Variants in ZNF76 observed in about 807,000 individuals in gnomAD.
ZNF76 encodes the protein zinc finger protein 76.
ZNF76 carries 66 observed loss-of-function variants against 66.9 expected under a neutral mutation model. The observed-to-expected ratio is 0.99, with a 90% CI of 0.81 to 1.21. The LOEUF is 1.21. Ranked by LOEUF, ZNF76 falls within the 50% of genes most tolerant of loss-of-function variation. The probability of loss-of-function intolerance (pLI) is 0.00; values close to 1 mark genes in which losing one functional copy is unlikely to be tolerated. For missense variants in ZNF76, 729 were observed against 760.3 expected (o/e 0.96, Z 0.48); for synonymous variants, 275 against 296.1 (o/e 0.93, Z 0.73).
At chr6:35,261,505 A>ATC (rs1333260139) in intron 1 of ZNF76, among the ~76,000 whole-genome samples, 2 of 86,328 alleles carry the variant, frequency 2.3e-5, no homozygotes, top group East Asian at 6.3e-4. Context: ...TTCCCTTCCC[A>ATC]TATTTTTGTT....
rs1399266703 is a variant in ZNF76 at position 35,291,626 on chromosome 6, G to A, written c.820G>A (p.Val274Ile). The change falls in exon 9 of 14, where the codon GTA becomes ATA. Residue 274 changes from valine (V) to isoleucine (I), a missense_variant. By Grantham distance (29) the Val-to-Ile change is conservative (BLOSUM62 3). Transcript: ENST00000373953. ...RSFTTSNIRK[V>I]HVRTHTGERP... ...CTTCACCACATCTAACATCCGCAAG[G>A]TACATGTGCGCACCCACACAGGCGA... 2 of 1,614,024 alleles carry A rather than the reference G, an allele frequency of 1.2e-6. No homozygotes were observed. The highest frequency in any genetic ancestry group is 1.3e-5 in the African/African-American group (1 of 75,026).
In ZNF76 at chr6:35,287,841, G is replaced by A; in HGVS notation, c.428G>A (p.Ser143Asn). The change falls in exon 5 of 14, where the codon AGC becomes AAC. Residue 143 changes from serine (S) to asparagine (N), a missense_variant. Transcript: ENST00000373953. This position sits in a 1 kb window ranked among gnomAD's most constrained non-coding sequence, Gnocchi z 4.0. ...GTGGTGGCCCTGGAGCAGTATGCCA[G>A]CAAGGTGAGCACGCACAGCGTGACA... is the stretch of plus-strand genomic sequence containing the variant. Reference protein sequence around the residue: ...DAVVALEQYASKVLHDSQIPR... With the variant: ...DAVVALEQYANKVLHDSQIPR... 6.3e-7 allele frequency: 1 copy of A among 1,588,828 alleles called. No homozygotes were observed. Among genetic ancestry groups the A allele is most frequent in the Admixed American group, 1.8e-5 (1 of 55,390 alleles).
chr6:35,285,641 A>G (rs764132548), intron 2 of ZNF76, among the ~76,000 whole-genome samples: 18 of 152,194 alleles, frequency 1.2e-4, no homozygotes, highest in Non-Finnish European at 2.1e-4. Context: ...TCCAGAGTCT[A>G]TTGTTTTTAA....
intron 5 of ZNF76, among the ~76,000 whole-genome samples, chr6:35,289,755 A>G (rs1487445076): frequency 6.6e-6 from 1 of 152,136 alleles, no homozygotes; most frequent in African/African-American, 2.4e-5. Flanking sequence ...TCTGGGCCCC[A>G]AGTCCTATCA....
At position 35,290,307 on chromosome 6, in the gene ZNF76, G is replaced by C. The variant is rs771018758; in HGVS notation, c.474G>C (p.Gln158His). 6.2e-7 allele frequency: 1 copy of C among 1,614,108 alleles called. No homozygotes were observed. Among genetic ancestry groups the C allele is most frequent in the South Asian group, 1.1e-5 (1 of 91,092 alleles). The change falls in exon 6 of 14, where the codon CAG becomes CAC. Residue 158 changes from glutamine (Q) to histidine (H), a missense_variant. Physicochemically the swap from Gln to His is conservative, Grantham distance 24 (BLOSUM62 0). Transcript: ENST00000373953. ...AGATTCCCCGTAATGGAAAAGGGCAGCAAGTTGGAGACAGAGCATTCCGCT... is the reference window on the plus strand; with the variant it reads ...AGATTCCCCGTAATGGAAAAGGGCACCAAGTTGGAGACAGAGCATTCCGCT... Reference protein sequence around the residue: ...DSQIPRNGKGQQVGDRAFRCG... With the variant: ...DSQIPRNGKGHQVGDRAFRCG...
At chr6:35,279,625 C>T (rs1788453216) in intron 1 of ZNF76, 1 of 151,864 alleles carries the variant, frequency 6.6e-6, no homozygotes, top group African/African-American at 2.4e-5. Flanking sequence ...GATGGGTTTT[C>T]ACCATGTTAG....
At chr6:35,280,943 A>C (rs1158408152) in intron 1 of ZNF76, 113 bp from the exon 2 acceptor site, 2 of 587,434 alleles carry the variant, frequency 3.4e-6, no homozygotes, top group Non-Finnish European at 6.1e-6. Flanking sequence ...ACTACTTTGA[A>C]GAATTCATCT....
At chr6:35,268,383 C>T (rs1037075887) in intron 1 of ZNF76, among the ~76,000 whole-genome samples, 8 of 152,042 alleles carry the variant, frequency 5.3e-5, no homozygotes, top group African/African-American at 1.9e-4. Context: ...AGATATAGCT[C>T]ATCCTAATTG....
chr6:35,281,889 C>T (rs1246718579), intron 2 of ZNF76, among the ~76,000 whole-genome samples: 1 of 150,428 alleles, frequency 6.6e-6, no homozygotes, highest in African/African-American at 2.4e-5. Context: ...TGAACTATCA[C>T]TGCACCACTG....
At position 35,292,716 on chromosome 6, in the gene ZNF76, G is replaced by A. The variant is rs760217393; in HGVS notation, c.1094G>A (p.Arg365His). 1.5e-5 allele frequency: 24 copies of A among 1,614,062 alleles called. No individual in the cohort carries two copies. Among genetic ancestry groups the A allele is most frequent in the South Asian group, 9.9e-5 (9 of 91,086 alleles). The change falls in exon 10 of 14, where the codon CGC (arginine) becomes CAC (histidine). Residue 365 changes from arginine (R) to histidine (H), a missense_variant. Transcript: ENST00000373953. This position sits in a 1 kb window ranked among gnomAD's most constrained non-coding sequence, Gnocchi z 4.7. ...ACCTCCACCTTGGCCATGCACAAGC[G>A]CAGTGCCCACGGCGAGCTGGAGGCC... ...RQTSTLAMHK[R>H]SAHGELEATE...
chr6:35,264,485 C>T (rs1483846861), intron 1 of ZNF76, among the ~76,000 whole-genome samples: 8 of 152,064 alleles, frequency 5.3e-5, no homozygotes, highest in Non-Finnish European at 1.0e-4. Flanking sequence ...CAGAGGAAAC[C>T]AAGGAGGCAA....
At chr6:35,277,161 C>T (rs913137942) in intron 1 of ZNF76, among the ~76,000 whole-genome samples, 3 of 152,074 alleles carry the variant, frequency 2.0e-5, no homozygotes, top group South Asian at 2.1e-4. Flanking sequence ...TACACTAAAG[C>T]GGGTTACCCA....
At chr6:35,266,194 C>T (rs1296826118) in intron 1 of ZNF76, among the ~76,000 whole-genome samples, 2 of 151,858 alleles carry the variant, frequency 1.3e-5, no homozygotes, top group Non-Finnish European at 2.9e-5. Context: ...GCTCTGTCGC[C>T]CACGGTGGAG....
intron 11 of ZNF76, 74 bp from the exon 12 acceptor site, chr6:35,293,677 G>A (rs982161559): frequency 1.3e-6 from 2 of 1,534,996 alleles, no homozygotes; most frequent in East Asian, 2.3e-5. Context: ...TGGGAGAGCA[G>A]GTATATCTTC....
At chr6:35,291,064 T>C in intron 7 of ZNF76, 2 of 627,450 alleles carry the variant, frequency 3.2e-6, no homozygotes, top group Non-Finnish European at 5.5e-6. Context: ...AAGTTTCTTT[T>C]CATGCTCATG....
intron 1 of ZNF76, among the ~76,000 whole-genome samples, chr6:35,262,391 T>C (rs751847966): frequency 1.7e-4 from 26 of 152,202 alleles, no homozygotes; most frequent in Non-Finnish European, 2.8e-4. Flanking sequence ...CAAGTTGCCA[T>C]ATTTTGGAGT....
Position 35,294,565 on chromosome 6 carries a change from T to C in ZNF76, c.1604T>C (p.Val535Ala). Residue 535 changes from valine (V) to alanine (A), a missense_variant, in exon 13 of 14, where the codon GTG becomes GCG. Physicochemically the swap from Val to Ala is moderately conservative, Grantham distance 64. Coordinates refer to ENST00000373953, the MANE Select transcript of ZNF76 (RefSeq NM_003427.5). ...LATANGTHIA[V>A]QLEEQQTLEE... Reference sequence around the variant, plus strand: ...ACAGCCAACGGAACGCACATTGCAGTGCAGGTGAGTAGAGATCTGGGAGGA... The same window carrying C: ...ACAGCCAACGGAACGCACATTGCAGCGCAGGTGAGTAGAGATCTGGGAGGA... 1 of 1,609,502 alleles carries C rather than the reference T, an allele frequency of 6.2e-7. No homozygotes were observed. The highest frequency in any genetic ancestry group is 8.5e-7 in the Non-Finnish European group (1 of 1,175,824).
intron 2 of ZNF76, 83 bp from the exon 3 acceptor site, chr6:35,286,045 A>T (rs1030032280): frequency 1.4e-5 from 19 of 1,315,418 alleles, no homozygotes; most frequent in Non-Finnish European, 2.1e-5. Context: ...AGAGACTCAA[A>T]TAAGCCTCAG....
At chr6:35,263,125 A>G (rs771871851) in intron 1 of ZNF76, among the ~76,000 whole-genome samples, 1 of 152,012 alleles carries the variant, frequency 6.6e-6, no homozygotes, top group East Asian at 1.9e-4. Flanking sequence ...GCACTGTTCC[A>G]CCAAACTTCA....
Sources: allele counts gnomAD v4.1 joint callset (sites outside exome capture counted in the v4.1 genomes callset), GRCh38; gene constraint gnomAD v4.1.1; non-coding constraint Gnocchi (gnomAD v3.1); transcripts MANE v1.5; gene names NCBI Gene and HGNC (gene_info 2026-07-23, HGNC 2026-07-21).